RYR2: variants seen among roughly 807,000 people sequenced by gnomAD.
The protein encoded by RYR2 is cardiac muscle ryanodine receptor-calcium release channel.
A neutral mutation model predicts 601.1 loss-of-function variants in RYR2; 227 were observed. That is an observed-to-expected ratio of 0.38 (90% confidence interval 0.34 to 0.42). The LOEUF is 0.42. Ranked by LOEUF, RYR2 falls within the 10% of genes least tolerant of loss-of-function variation. The pLI, the probability that RYR2 is intolerant of heterozygous loss-of-function variation, is 1.00. For missense variants in RYR2, 4,646 were observed against 6,156.5 expected (o/e 0.75, Z 8.21); for synonymous variants, 2,223 against 2,175.1 (o/e 1.02, Z -0.61).
intron 6 of RYR2, among the ~76,000 whole-genome samples, chr1:237,373,032 C>A (rs1700760567): frequency 6.6e-6 from 1 of 152,090 alleles, no homozygotes. Flanking sequence ...TAATACTGTA[C>A]TTGTTATTGA....
chr1:237,093,525 C>T (rs1027270425), intron 1 of RYR2, among the ~76,000 whole-genome samples: 5 of 152,240 alleles, frequency 3.3e-5, no homozygotes, highest in South Asian at 4.1e-4. Context: ...CCAGGCTGAC[C>T]CTGGCCTGGG....
At chr1:237,594,894 T>TGTTTTTTTTTTTTTTTTTTTTTTA (rs1334728750) in intron 33 of RYR2, among the ~76,000 whole-genome samples, 1 of 18,340 alleles carries the variant, frequency 5.5e-5, no homozygotes, top group Admixed American at 1.1e-3. Flanking sequence ...GGGTTTTTTT[T>TGTTTTTTTTTTTTTTTTTTTTTTA]TTTTTTTTTT....
At chr1:237,093,958 T>C (rs1286931527) in intron 1 of RYR2, among the ~76,000 whole-genome samples, 1 of 152,022 alleles carries the variant, frequency 6.6e-6, no homozygotes, top group Non-Finnish European at 1.5e-5. Flanking sequence ...GTCCTGGGTA[T>C]TTGGACGATG....
At chr1:237,069,340 C>T (rs1664024635) in intron 1 of RYR2, among the ~76,000 whole-genome samples, 1 of 151,704 alleles carries the variant, frequency 6.6e-6, no homozygotes, top group Non-Finnish European at 1.5e-5. Flanking sequence ...AATATAGGAA[C>T]ATAAATGGAC....
chr1:237,139,959 G>A (rs938520637), intron 1 of RYR2, among the ~76,000 whole-genome samples: 1 of 152,198 alleles, frequency 6.6e-6, no homozygotes, highest in Non-Finnish European at 1.5e-5. Context: ...ATGTGTAGGC[G>A]ATGTGTGCCT....
At chr1:237,301,997 T>C (rs978480175) in intron 2 of RYR2, among the ~76,000 whole-genome samples, 2 of 152,222 alleles carry the variant, frequency 1.3e-5, no homozygotes, top group Non-Finnish European at 2.9e-5. Context: ...AATATTGTTA[T>C]CAAATTATTT....
chr1:237,570,014 G>A (rs1434142002), intron 29 of RYR2, among the ~76,000 whole-genome samples: 1 of 151,986 alleles, frequency 6.6e-6, no homozygotes, highest in Admixed American at 6.6e-5. Context: ...TCAGGAGTTC[G>A]AGACCAGCCT....
chr1:237,407,907 C>A (rs529408758), intron 10 of RYR2, among the ~76,000 whole-genome samples: 4 of 152,032 alleles, frequency 2.6e-5, no homozygotes, highest in African/African-American at 9.7e-5. Context: ...TGAGCCACTG[C>A]GCCTGGCCAA....
At chr1:237,263,007 A>G (rs537618655) in intron 1 of RYR2, among the ~76,000 whole-genome samples, 1 of 152,278 alleles carries the variant, frequency 6.6e-6, no homozygotes, top group Non-Finnish European at 1.5e-5. Flanking sequence ...GCATTGTTTT[A>G]CTTAAAATAG....
At chr1:237,359,857 G>A (rs1374892927) in intron 4 of RYR2, among the ~76,000 whole-genome samples, 2 of 152,116 alleles carry the variant, frequency 1.3e-5, no homozygotes, top group East Asian at 1.9e-4. Flanking sequence ...TCCACTCCTA[G>A]CCCTTTTCTA....
rs140625702 is a variant in RYR2 at position 237,419,601 on chromosome 1, C to T, written c.848+2478C>T. Among the ~76,000 whole-genome samples the T allele has an allele frequency of 2.1e-3, 324 of 152,172 alleles. 1 individual carries two copies. The highest frequency in any genetic ancestry group is 7.5e-3 in the African/African-American group (311 of 41,522). ...GTCCAGATGTCACTGAGGGGAATACCACAGAGAAGGCAGAGCAGGTAGTTT... is the reference window on the plus strand; with the variant it reads ...GTCCAGATGTCACTGAGGGGAATACTACAGAGAAGGCAGAGCAGGTAGTTT... On this transcript the variant is annotated intron_variant, in intron 11 of 104. Coordinates refer to ENST00000366574, the MANE Select transcript of RYR2 (RefSeq NM_001035.3).
chr1:237,564,002 A>G (rs1319355597), intron 27 of RYR2, among the ~76,000 whole-genome samples: 1 of 152,180 alleles, frequency 6.6e-6, no homozygotes, highest in African/African-American at 2.4e-5. Context: ...AATGCATACT[A>G]GAATGTAATG....
intron 1 of RYR2, among the ~76,000 whole-genome samples, chr1:237,172,627 G>A (rs1677540803): frequency 3.9e-5 from 6 of 152,106 alleles, no homozygotes; most frequent in Admixed American, 3.9e-4. Context: ...TTTTAGAAAT[G>A]TATTAAATAC....
intron 1 of RYR2, among the ~76,000 whole-genome samples, chr1:237,179,967 G>A (rs919206211): frequency 2.0e-5 from 3 of 152,116 alleles, no homozygotes; most frequent in Non-Finnish European, 4.4e-5. Context: ...GAAGCGCAGA[G>A]CAAGGTTTCA....
At chr1:237,193,147 C>T (rs1680165304) in intron 1 of RYR2, among the ~76,000 whole-genome samples, 1 of 20,666 alleles carries the variant, frequency 4.8e-5, no homozygotes, top group Non-Finnish European at 1.1e-4. Flanking sequence ...ATGGTGAAAC[C>T]TCCGTCTCTG....
chr1:237,818,554 GCAT>G (rs1366863990), intron 100 of RYR2, among the ~76,000 whole-genome samples: 2 of 152,016 alleles, frequency 1.3e-5, no homozygotes, highest in Middle Eastern at 3.4e-3. Context: ...AATAATTTCA[GCAT>G]CATATTTCAT....
At chr1:237,305,345 T>C (rs1207955674) in intron 2 of RYR2, among the ~76,000 whole-genome samples, 2 of 152,190 alleles carry the variant, frequency 1.3e-5, no homozygotes, top group Non-Finnish European at 1.5e-5. Context: ...CTCAAAAATA[T>C]AATATTGCAT....
chr1:237,768,459 C>T (rs963122685), intron 84 of RYR2, among the ~76,000 whole-genome samples: 1 of 152,240 alleles, frequency 6.6e-6, no homozygotes, highest in Admixed American at 6.5e-5. Flanking sequence ...AATACCTCTC[C>T]CTTTATTACA....
At chr1:237,469,885 A>G (rs1311785459) in intron 17 of RYR2, among the ~76,000 whole-genome samples, 1 of 152,178 alleles carries the variant, frequency 6.6e-6, no homozygotes, top group Non-Finnish European at 1.5e-5. Flanking sequence ...GTTTTATTTC[A>G]GTATTGTGGA....
Sources: gnomAD v4.1 joint callset for allele counts (sites outside exome capture counted in the v4.1 genomes callset) on GRCh38, gnomAD v4.1.1 for gene constraint, MANE v1.5 for transcripts, NCBI Gene and HGNC (gene_info 2026-07-23, HGNC 2026-07-21) for gene names.